ARHGEF4: variants seen among roughly 807,000 people sequenced by gnomAD.
The protein encoded by ARHGEF4 is APC-stimulated guanine nucleotide exchange factor 1.
Under a neutral mutation model 162.0 loss-of-function variants are expected in ARHGEF4, and 119 were observed. The observed-to-expected ratio is 0.73, with a 90% CI of 0.63 to 0.86. The LOEUF (loss-of-function observed/expected upper bound fraction) is 0.86, where lower values mean the gene tolerates loss of function less well. ARHGEF4 is among the 40% of genes least tolerant of loss of function. ARHGEF4 has a pLI of 0.00. For synonymous variants in ARHGEF4, 1,014 were observed against 979.9 expected (o/e 1.03, Z -0.65); for missense variants, 2,488 against 2,456.0 (o/e 1.01, Z -0.28).
intron 2 of ARHGEF4, among the ~76,000 whole-genome samples, chr2:130,917,763 G>A (rs1681599701): frequency 6.6e-6 from 1 of 151,068 alleles, no homozygotes; most frequent in African/African-American, 2.4e-5. Context: ...ATTTTCTTTT[G>A]TATGAACTGC....
chr2:131,042,077 T>C, intron 10 of ARHGEF4, 133 bp downstream of exon 10: 1 of 1,322,386 alleles, frequency 7.6e-7, no homozygotes, highest in Non-Finnish European at 1.0e-6. Flanking sequence ...CAGATGCTCA[T>C]GGTGTGAAAG....
Position 130,931,399 on chromosome 2 carries a change from G to T in ARHGEF4, c.3858+142G>T, listed in dbSNP as rs1574252668. On this transcript the variant is annotated intron_variant, in intron 3 of 13. Transcript: ENST00000409359. ...GGGCCCCCTTGGATTACAGCATGCT[G>T]CCTGGGCCACACTCAGTACTGCAGT... 3.4e-6 allele frequency: 3 copies of T among 892,576 alleles called. No individual in the cohort carries two copies. In the East Asian group the frequency reaches 8.0e-5, roughly 24 times the overall value. The allele number at this position is 892,576 out of a possible 1,614,324, so 55.3% of individuals were successfully genotyped here. A position where few individuals can be genotyped will look rare whatever the true frequency, so the allele number is the denominator to read the frequency against.
At chr2:130,913,220 G>A (rs536652114) in intron 1 of ARHGEF4, among the ~76,000 whole-genome samples, 1 of 152,198 alleles carries the variant, frequency 6.6e-6, no homozygotes, top group South Asian at 2.1e-4. Flanking sequence ...GGGAAGCAGG[G>A]ATTGACCGGG....
At chr2:131,020,473 A>T (rs1391244754) in intron 4 of ARHGEF4, among the ~76,000 whole-genome samples, 1 of 151,826 alleles carries the variant, frequency 6.6e-6, no homozygotes, top group Non-Finnish European at 1.5e-5. Flanking sequence ...GTTTGCTGAG[A>T]ATGATGGTTT....
At chr2:130,853,759 T>G (rs4850303) in intron 1 of ARHGEF4, among the ~76,000 whole-genome samples, 30,460 of 152,152 alleles carry the variant, frequency 0.2, 3,596 homozygotes, top group African/African-American at 0.3. Flanking sequence ...GCCTTGCTTG[T>G]GTCCAGTGTT....
chr2:130,907,409 G>A (rs562911326), intron 1 of ARHGEF4, among the ~76,000 whole-genome samples: 23 of 151,130 alleles, frequency 1.5e-4, no homozygotes, highest in Non-Finnish European at 2.4e-4. Context: ...TAGTAGAGAC[G>A]GGTTTCACCA....
chr2:131,001,666 C>T (rs1185303188), intron 4 of ARHGEF4, among the ~76,000 whole-genome samples: 2 of 152,110 alleles, frequency 1.3e-5, no homozygotes, highest in African/African-American at 2.4e-5. Context: ...ATAAACTCTT[C>T]CATGTATGCA....
rs527750627 is a variant in ARHGEF4, at chr2:131,019,925, T to G, written c.3986-8020T>G. On this transcript the variant is annotated intron_variant, in intron 4 of 13. Transcript: ENST00000409359. Reference sequence around the variant, plus strand: ...CTGGGATTACAGGCGTGAGCCACCATGCCTGGCCAGTATTTTATTCTTTTT... The same window carrying G: ...CTGGGATTACAGGCGTGAGCCACCAGGCCTGGCCAGTATTTTATTCTTTTT... 2.6e-5 allele frequency among the ~76,000 whole-genome samples: 4 copies of G among 152,278 alleles called. No individual in the cohort carries two copies. The South Asian group carries it at 6.2e-4, about 24-fold the overall frequency.
chr2:131,040,628 G>T (rs1250647778), intron 8 of ARHGEF4, among the ~76,000 whole-genome samples, 188 bp downstream of exon 8: 1 of 152,184 alleles, frequency 6.6e-6, no homozygotes, highest in Non-Finnish European at 1.5e-5. Context: ...CTTCTGTGTG[G>T]CGAAACCAAG....
chr2:130,937,565 A>G (rs1434874261), intron 3 of ARHGEF4, among the ~76,000 whole-genome samples: 1 of 151,716 alleles, frequency 6.6e-6, no homozygotes, highest in African/African-American at 2.4e-5. Flanking sequence ...AGTTGATTAG[A>G]GTCTTTGTCT....
intron 1 of ARHGEF4, among the ~76,000 whole-genome samples, chr2:130,873,944 T>G (rs1001950137): frequency 1.3e-5 from 2 of 152,316 alleles, no homozygotes; most frequent in East Asian, 3.9e-4. Context: ...ATGAAAGCCC[T>G]GGGTGCTTTG....
chr2:131,024,074 G>T (rs1214344221), intron 4 of ARHGEF4, among the ~76,000 whole-genome samples: 1 of 152,174 alleles, frequency 6.6e-6, no homozygotes, highest in East Asian at 1.9e-4. Context: ...CTGCACTGGT[G>T]ATACAGTGCC....
chr2:130,873,417 C>G (rs1678618518), intron 1 of ARHGEF4, among the ~76,000 whole-genome samples: 1 of 151,928 alleles, frequency 6.6e-6, no homozygotes, highest in Non-Finnish European at 1.5e-5. Flanking sequence ...GGTGAAACCT[C>G]TTCTCTACTA....
At chr2:130,870,540 T>C (rs2104930376) in intron 1 of ARHGEF4, among the ~76,000 whole-genome samples, 1 of 152,236 alleles carries the variant, frequency 6.6e-6, no homozygotes, top group East Asian at 1.9e-4. Context: ...CTGCACCCAA[T>C]CTCATATGAC....
intron 1 of ARHGEF4, among the ~76,000 whole-genome samples, chr2:130,910,566 C>T (rs2105042689): frequency 6.6e-6 from 1 of 152,286 alleles, no homozygotes; most frequent in East Asian, 1.9e-4. Context: ...TGGGAGGTTT[C>T]CACATGCTTC....
At chr2:130,995,929 G>A (rs1175402219) in intron 4 of ARHGEF4, among the ~76,000 whole-genome samples, 1 of 142,372 alleles carries the variant, frequency 7.0e-6, no homozygotes, top group Non-Finnish European at 1.5e-5. Context: ...TGCTGTGTTC[G>A]CCCAGGCTGG....
intron 4 of ARHGEF4, among the ~76,000 whole-genome samples, chr2:130,961,647 C>T (rs1684627976): frequency 6.6e-6 from 1 of 152,184 alleles, no homozygotes; most frequent in Non-Finnish European, 1.5e-5. Flanking sequence ...CCTTGGGCTG[C>T]TCAGTGGGTG....
intron 4 of ARHGEF4, among the ~76,000 whole-genome samples, chr2:131,003,406 G>C (rs1414429030): frequency 6.6e-6 from 1 of 152,142 alleles, no homozygotes; most frequent in Non-Finnish European, 1.5e-5. Context: ...ATCGTGACAC[G>C]CATCTCTCGT....
At chr2:130,905,899 G>T (rs1457276178) in intron 1 of ARHGEF4, among the ~76,000 whole-genome samples, 1 of 152,172 alleles carries the variant, frequency 6.6e-6, no homozygotes, top group Non-Finnish European at 1.5e-5. Flanking sequence ...TGGGGGTCTT[G>T]GAATGTATCC....
Sources: allele counts gnomAD v4.1 joint callset (sites outside exome capture counted in the v4.1 genomes callset), GRCh38; gene constraint gnomAD v4.1.1; transcripts MANE v1.5; gene names NCBI Gene and HGNC (gene_info 2026-07-23, HGNC 2026-07-21).